SPATA17: variants seen among roughly 807,000 people sequenced by gnomAD.
The protein encoded by SPATA17 is spermatogenesis-associated protein 17.
A neutral mutation model predicts 62.2 loss-of-function variants in SPATA17; 53 were observed. The ratio of observed to expected loss-of-function variants is 0.85; its 90% CI spans 0.68 to 1.07. The LOEUF (loss-of-function observed/expected upper bound fraction) is 1.07. Among genes scored for constraint, SPATA17 ranks in the 50% least tolerant of loss-of-function variants. The probability of loss-of-function intolerance (pLI) is 0.00; values close to 1 mark genes in which losing one functional copy is unlikely to be tolerated. For missense variants in SPATA17, 466 were observed against 425.5 expected (o/e 1.10, Z -0.84); for synonymous variants, 146 against 146.8 (o/e 0.99, Z 0.04).
intron 8 of SPATA17, among the ~76,000 whole-genome samples, chr1:217,793,215 GTTTTTGTTTTT>G (rs1264009259): frequency 8.7e-6 from 1 of 114,598 alleles, no homozygotes; most frequent in African/African-American, 3.2e-5. Flanking sequence ...TAGGGCAGTG[GTTTTTGTTTTT>G]TTTTTTTTTT....
At chr1:217,671,897 T>A (rs1302030750) in intron 4 of SPATA17, among the ~76,000 whole-genome samples, 1 of 152,204 alleles carries the variant, frequency 6.6e-6, no homozygotes, top group Non-Finnish European at 1.5e-5. Context: ...TTGAGATGGG[T>A]TAACTTGGTA....
At chr1:217,796,423 A>C (rs1323914126) in intron 8 of SPATA17, among the ~76,000 whole-genome samples, 1 of 152,188 alleles carries the variant, frequency 6.6e-6, no homozygotes, top group South Asian at 2.1e-4. Context: ...TCTGAAGCTA[A>C]GAAAAATGTA....
Position 217,871,034 on chromosome 1 carries a change from T to A in SPATA17, c.*4015T>A, listed in dbSNP as rs1676118934. 1 of 149,136 alleles carries A rather than the reference T, an allele frequency of 6.7e-6. No homozygotes were observed. Among genetic ancestry groups the A allele is most frequent in the South Asian group, 2.1e-4 (1 of 4,810 alleles). 9.2% of individuals were successfully genotyped at this position (149,136 alleles called of 1,614,324 possible). A position where few individuals can be genotyped will look rare whatever the true frequency, so the allele number is the denominator to read the frequency against. On this transcript the variant is annotated 3_prime_UTR_variant, in exon 11 of 11. Coordinates refer to ENST00000366933, the MANE Select transcript of SPATA17 (RefSeq NM_138796.4). Reference sequence around the variant, plus strand: ...ATTTGAATGCGTGCATTGTGGCCTGTTACTTTTAACTAGTCTCACTAATTT... The same window carrying A: ...ATTTGAATGCGTGCATTGTGGCCTGATACTTTTAACTAGTCTCACTAATTT...
chr1:217,781,578 G>C (rs1479724434), intron 7 of SPATA17, among the ~76,000 whole-genome samples: 1 of 152,094 alleles, frequency 6.6e-6, no homozygotes, highest in Non-Finnish European at 1.5e-5. Flanking sequence ...GTCATCAAAA[G>C]GTTGCTATTG....
intron 9 of SPATA17, among the ~76,000 whole-genome samples, chr1:217,858,514 A>T (rs1356613745): frequency 6.6e-6 from 1 of 152,236 alleles, no homozygotes; most frequent in East Asian, 1.9e-4. Flanking sequence ...AATTACAGAA[A>T]ATAGATATCA....
At chr1:217,778,221 C>T (rs781217539) in intron 7 of SPATA17, among the ~76,000 whole-genome samples, 1 of 151,928 alleles carries the variant, frequency 6.6e-6, no homozygotes, top group Non-Finnish European at 1.5e-5. Flanking sequence ...TTTAATAATC[C>T]ACACTGCTGG....
chr1:217,726,091 C>A (rs999577972), intron 5 of SPATA17, among the ~76,000 whole-genome samples: 1 of 152,126 alleles, frequency 6.6e-6, no homozygotes, highest in East Asian at 1.9e-4. Flanking sequence ...TCTAAAAATT[C>A]TTGTACTCTG....
chr1:217,862,425 T>C (rs1214222015), intron 9 of SPATA17, among the ~76,000 whole-genome samples: 3 of 152,310 alleles, frequency 2.0e-5, no homozygotes, highest in African/African-American at 7.2e-5. Context: ...TAACAAATAT[T>C]TATTATGCAG....
At chr1:217,640,727 A>G (rs1670043477) in intron 1 of SPATA17, among the ~76,000 whole-genome samples, 1 of 152,150 alleles carries the variant, frequency 6.6e-6, no homozygotes, top group African/African-American at 2.4e-5. Flanking sequence ...ATAGCAGTTT[A>G]AAAGAGTGAA....
chr1:217,700,404 A>C (rs1224082650), intron 5 of SPATA17, among the ~76,000 whole-genome samples: 5 of 152,072 alleles, frequency 3.3e-5, no homozygotes, highest in African/African-American at 4.8e-5. Context: ...TAAATCTAAT[A>C]ATTTGGAAGA....
chr1:217,812,159 A>T (rs1299271970), intron 9 of SPATA17, among the ~76,000 whole-genome samples: 3 of 152,150 alleles, frequency 2.0e-5, no homozygotes, highest in African/African-American at 7.2e-5. Flanking sequence ...TCATTCACTT[A>T]TATTATTTTT....
intron 8 of SPATA17, among the ~76,000 whole-genome samples, chr1:217,784,525 A>C (rs1398661248): frequency 6.6e-6 from 1 of 152,148 alleles, no homozygotes; most frequent in Non-Finnish European, 1.5e-5. Flanking sequence ...ACAGCAGTAT[A>C]ATCTTCGGTT....
At chr1:217,677,555 T>C (rs866029692) in intron 4 of SPATA17, among the ~76,000 whole-genome samples, 5 of 152,032 alleles carry the variant, frequency 3.3e-5, no homozygotes, top group Non-Finnish European at 7.4e-5. Flanking sequence ...ACAGAATGAA[T>C]AACAGTTTTA....
chr1:217,853,602 G>A (rs1675712041), intron 9 of SPATA17, among the ~76,000 whole-genome samples: 1 of 152,098 alleles, frequency 6.6e-6, no homozygotes, highest in African/African-American at 2.4e-5. Flanking sequence ...CAGTAGTTAT[G>A]TTCTATAAAG....
intron 6 of SPATA17, among the ~76,000 whole-genome samples, chr1:217,766,189 G>A (rs2102966559): frequency 6.6e-6 from 1 of 152,020 alleles, no homozygotes; most frequent in East Asian, 1.9e-4. Flanking sequence ...ACAGATATTA[G>A]TTGAATTAAT....
chr1:217,855,025 C>T (rs911697821), intron 9 of SPATA17, among the ~76,000 whole-genome samples: 4 of 152,186 alleles, frequency 2.6e-5, no homozygotes, highest in African/African-American at 9.7e-5. Flanking sequence ...TGAGCATTTT[C>T]TTGCAGTACC....
At chr1:217,808,000 T>A (rs936207100) in intron 9 of SPATA17, among the ~76,000 whole-genome samples, 1 of 152,192 alleles carries the variant, frequency 6.6e-6, no homozygotes, top group African/African-American at 2.4e-5. Flanking sequence ...AGGCCTCAGT[T>A]CAAAAGTATT....
chr1:217,798,316 G>T (rs1050878822), intron 8 of SPATA17, among the ~76,000 whole-genome samples: 1 of 151,960 alleles, frequency 6.6e-6, no homozygotes, highest in South Asian at 2.1e-4. Flanking sequence ...TTGCTATTCT[G>T]TTATCTCATT....
intron 9 of SPATA17, among the ~76,000 whole-genome samples, chr1:217,822,008 A>G (rs1674875377): frequency 6.6e-6 from 1 of 152,114 alleles, no homozygotes; most frequent in African/African-American, 2.4e-5. Flanking sequence ...AAGGATAGAG[A>G]GAGACTAGGG....
Sources: gnomAD v4.1 joint callset for allele counts (sites outside exome capture counted in the v4.1 genomes callset) on GRCh38, gnomAD v4.1.1 for gene constraint, MANE v1.5 for transcripts, NCBI Gene and HGNC (gene_info 2026-07-23, HGNC 2026-07-21) for gene names.